Variants in PTPRD observed in about 807,000 individuals in gnomAD.
PTPRD encodes the protein receptor-type tyrosine-protein phosphatase delta.
Under a neutral mutation model 214.5 loss-of-function variants are expected in PTPRD, and 34 were observed. That is an observed-to-expected ratio of 0.16 (90% CI 0.12 to 0.21). The LOEUF is 0.21. PTPRD is among the 10% of genes least tolerant of loss of function. The pLI, the probability that PTPRD is intolerant of heterozygous loss-of-function variation, is 1.00. For synonymous variants in PTPRD, 1,128 were observed against 845.7 expected, an observed-to-expected ratio of 1.33 and a Z score of -5.79; for missense variants, 2,545 against 2,398.7, an observed-to-expected ratio of 1.06 and a Z score of -1.27.
At chr9:8,803,587 G>T (rs2154519624) in intron 11 of PTPRD, among the ~76,000 whole-genome samples, 1 of 152,124 alleles carries the variant, frequency 6.6e-6, no homozygotes, top group African/African-American at 2.4e-5. Context: ...TAAAAAATTA[G>T]TCAGGCATGG....
At chr9:9,760,468 T>C (rs1323702853) in intron 6 of PTPRD, among the ~76,000 whole-genome samples, 2 of 152,028 alleles carry the variant, frequency 1.3e-5, no homozygotes, top group African/African-American at 4.8e-5. Context: ...TTCTTAACTG[T>C]CACATGTTCA....
chr9:10,286,035 T>C (rs1288512458), intron 3 of PTPRD, among the ~76,000 whole-genome samples: 1 of 152,178 alleles, frequency 6.6e-6, no homozygotes. Context: ...TAGTTAGCAT[T>C]AATAAGGGTA....
At chr9:9,319,363 C>A (rs1211926926) in intron 9 of PTPRD, among the ~76,000 whole-genome samples, 1 of 152,166 alleles carries the variant, frequency 6.6e-6, no homozygotes, top group South Asian at 2.1e-4. Flanking sequence ...TATTTTAACA[C>A]TGCCATTCTT....
At chr9:8,553,162 T>C (rs918741165) in intron 14 of PTPRD, among the ~76,000 whole-genome samples, 3 of 152,222 alleles carry the variant, frequency 2.0e-5, no homozygotes, top group Non-Finnish European at 2.9e-5. Flanking sequence ...TTACAAAGTA[T>C]ATTATGGCAC....
intron 9 of PTPRD, among the ~76,000 whole-genome samples, chr9:9,293,722 C>G (rs1952011676): frequency 6.6e-6 from 1 of 151,526 alleles, no homozygotes; most frequent in African/African-American, 2.4e-5. Context: ...TGCTGGCAAT[C>G]AGAACATGTT....
chr9:9,313,860 A>G (rs1418039720), intron 9 of PTPRD, among the ~76,000 whole-genome samples: 2 of 152,106 alleles, frequency 1.3e-5, no homozygotes, highest in East Asian at 3.9e-4. Flanking sequence ...AATTTATTCC[A>G]ATTTAGTTTC....
At chr9:9,363,111 CTT>C (rs3048061) in intron 9 of PTPRD, among the ~76,000 whole-genome samples, 27,786 of 129,856 alleles carry the variant, frequency 0.21, 3,024 homozygotes, top group East Asian at 0.36. Flanking sequence ...CTATTTTGTG[CTT>C]TTTTTTTTTT....
At chr9:9,023,832 C>T (rs1021454685) in intron 10 of PTPRD, among the ~76,000 whole-genome samples, 4 of 152,016 alleles carry the variant, frequency 2.6e-5, no homozygotes, top group Admixed American at 2.6e-4. Flanking sequence ...CTGCAAAGGA[C>T]ATGATTATTT....
At chr9:9,344,319 C>G (rs1189268419) in intron 9 of PTPRD, among the ~76,000 whole-genome samples, 2 of 151,734 alleles carry the variant, frequency 1.3e-5, no homozygotes, top group Non-Finnish European at 2.9e-5. Context: ...CACACTGAGG[C>G]CTGTCGGGGG....
At chr9:8,443,111 C>A (rs902828347) in intron 34 of PTPRD, among the ~76,000 whole-genome samples, 1 of 152,170 alleles carries the variant, frequency 6.6e-6, no homozygotes, top group African/African-American at 2.4e-5. Context: ...TGCCACTGCA[C>A]TCGAGCCTGG....
At chr9:9,840,134 T>C (rs1259687944) in intron 5 of PTPRD, among the ~76,000 whole-genome samples, 1 of 151,802 alleles carries the variant, frequency 6.6e-6, no homozygotes, top group Non-Finnish European at 1.5e-5. Flanking sequence ...ACCTCCCGGG[T>C]TCAAGTGATT....
chr9:8,948,441 A>ATATT (rs1491366287), intron 11 of PTPRD, among the ~76,000 whole-genome samples: 99 of 4,236 alleles, frequency 0.023, 19 homozygotes, highest in South Asian at 0.096. Context: ...ATATATTTAC[A>ATATT]TATATATATA....
chr9:8,787,593 G>A (rs1157500299), intron 11 of PTPRD, among the ~76,000 whole-genome samples: 1 of 152,082 alleles, frequency 6.6e-6, no homozygotes, highest in Non-Finnish European at 1.5e-5. Context: ...CAATCCCCCT[G>A]GAAAGATATG....
At chr9:8,482,032 C>T (rs549464158) in intron 30 of PTPRD, among the ~76,000 whole-genome samples, 3 of 152,294 alleles carry the variant, frequency 2.0e-5, no homozygotes, top group East Asian at 1.9e-4. Context: ...CTGCCCGCCT[C>T]GGCCTCCCAA....
At chr9:9,518,618 A>C in intron 8 of PTPRD, among the ~76,000 whole-genome samples, 1 of 152,174 alleles carries the variant, frequency 6.6e-6, no homozygotes, top group Middle Eastern at 3.4e-3. Context: ...AATAGCAAAA[A>C]CCTGGGACCC....
At chr9:10,120,842 A>G (rs980426131) in intron 3 of PTPRD, among the ~76,000 whole-genome samples, 21 of 152,104 alleles carry the variant, frequency 1.4e-4, no homozygotes, top group Admixed American at 6.5e-4. Context: ...CCCTGCTATC[A>G]ATCTCACCTA....
At chr9:9,733,999 C>A (rs557807270) in intron 7 of PTPRD, among the ~76,000 whole-genome samples, 1 of 152,252 alleles carries the variant, frequency 6.6e-6, no homozygotes, top group East Asian at 1.9e-4. Flanking sequence ...CCCTGTAATG[C>A]ATGTCCCAGG....
chr9:9,362,590 G>T (rs1049898393), intron 9 of PTPRD, among the ~76,000 whole-genome samples: 2 of 151,086 alleles, frequency 1.3e-5, no homozygotes, highest in African/African-American at 2.4e-5. Context: ...TGTCCCAGAT[G>T]AATAAAAAAG....
intron 7 of PTPRD, among the ~76,000 whole-genome samples, chr9:9,611,494 TA>T (rs1395650347): frequency 1.3e-5 from 2 of 152,118 alleles, no homozygotes; most frequent in African/African-American, 4.8e-5. Context: ...TAATTGGAAA[TA>T]CTGTTATTCT....
Sources: gnomAD v4.1 joint callset for allele counts (sites outside exome capture counted in the v4.1 genomes callset) on GRCh38, gnomAD v4.1.1 for gene constraint, MANE v1.5 for transcripts, NCBI Gene and HGNC (gene_info 2026-07-23, HGNC 2026-07-21) for gene names.